Variants in BMPR1B observed in about 807,000 individuals in gnomAD.
The protein encoded by BMPR1B is bone morphogenetic protein receptor type-1B.
BMPR1B carries 12 observed loss-of-function variants against 59.1 expected under a neutral mutation model. The observed-to-expected ratio is 0.20, with a 90% confidence interval of 0.13 to 0.33. The LOEUF is 0.33. BMPR1B is among the 10% of genes least tolerant of loss of function. The pLI is 1.00. For missense variants in BMPR1B, 550 were observed against 610.9 expected, an observed-to-expected ratio of 0.90 and a Z score of 1.05; for synonymous variants, 237 against 207.3, an observed-to-expected ratio of 1.14 and a Z score of -1.23.
At chr4:95,085,213 CT>C (rs1274590058) in intron 3 of BMPR1B, among the ~76,000 whole-genome samples, 1 of 152,132 alleles carries the variant, frequency 6.6e-6, no homozygotes, top group Non-Finnish European at 1.5e-5. Context: ...AAACCATCCT[CT>C]GTGAGAGGGA....
chr4:94,818,739 G>T (rs1724099376), intron 1 of BMPR1B, among the ~76,000 whole-genome samples: 1 of 152,152 alleles, frequency 6.6e-6, no homozygotes. Flanking sequence ...AACCTGCATA[G>T]TAGCCTCACT....
intron 2 of BMPR1B, among the ~76,000 whole-genome samples, chr4:94,934,453 G>GTTTTTTT (rs371268875): frequency 0.011 from 1,235 of 114,968 alleles, 74 homozygotes; most frequent in African/African-American, 0.029. Context: ...CCCAGCTATG[G>GTTTTTTT]TTTTTTTTTT....
intron 1 of BMPR1B, among the ~76,000 whole-genome samples, chr4:94,841,665 C>G (rs1725087758): frequency 6.6e-6 from 1 of 152,130 alleles, no homozygotes; most frequent in African/African-American, 2.4e-5. Context: ...CACTGGCACT[C>G]CCTATTGAGA....
intron 1 of BMPR1B, among the ~76,000 whole-genome samples, chr4:94,790,458 C>T (rs1368876629): frequency 6.6e-6 from 1 of 152,074 alleles, no homozygotes; most frequent in Non-Finnish European, 1.5e-5. Flanking sequence ...GCAGGAAGGC[C>T]AGTTAGGAGG....
intron 1 of BMPR1B, among the ~76,000 whole-genome samples, chr4:94,769,771 A>G (rs968447330): frequency 7.9e-5 from 12 of 152,322 alleles, no homozygotes; most frequent in Non-Finnish European, 1.5e-4. Context: ...CCATCAGGGA[A>G]TATCTTAGGG....
At chr4:94,799,169 T>C (rs1468279651) in intron 1 of BMPR1B, among the ~76,000 whole-genome samples, 1 of 148,886 alleles carries the variant, frequency 6.7e-6, no homozygotes, top group East Asian at 2.0e-4. Flanking sequence ...TCATACTAGA[T>C]GAGAACTTAT....
At chr4:95,130,135 T>C (rs1266611669) in intron 9 of BMPR1B, 81 bp downstream of exon 9, 2 of 1,511,870 alleles carry the variant, frequency 1.3e-6, no homozygotes, top group African/African-American at 2.8e-5. Context: ...TGTTAACTCA[T>C]CTGTCTAGAC....
intron 1 of BMPR1B, among the ~76,000 whole-genome samples, chr4:94,817,336 G>A (rs1375212066): frequency 6.6e-6 from 1 of 152,212 alleles, no homozygotes; most frequent in Non-Finnish European, 1.5e-5. Flanking sequence ...GTTTAATTCT[G>A]AGAAGAATAT....
chr4:95,098,436 A>G (rs1291170275), intron 3 of BMPR1B, among the ~76,000 whole-genome samples: 1 of 152,200 alleles, frequency 6.6e-6, no homozygotes, highest in African/African-American at 2.4e-5. Flanking sequence ...TGATCCTTGT[A>G]TAAATACCTT....
At chr4:95,101,939 T>C (rs1356193198) in intron 3 of BMPR1B, among the ~76,000 whole-genome samples, 2 of 152,090 alleles carry the variant, frequency 1.3e-5, no homozygotes, top group African/African-American at 2.4e-5. Flanking sequence ...TCTTAGCCCC[T>C]TTTTCTCTTA....
In BMPR1B at chr4:95,154,937, A is replaced by C. The variant is rs1240775513; in HGVS notation, c.*264A>C. ...AAGATATGATGCATGTTGCTTTCTAAGAAAGCCCTGTATTTTGTGATTGCC... is the reference window on the plus strand; with the variant it reads ...AAGATATGATGCATGTTGCTTTCTACGAAAGCCCTGTATTTTGTGATTGCC... On this transcript the variant is annotated 3_prime_UTR_variant, in exon 13 of 13. Transcript: ENST00000515059. 6.7e-6 allele frequency: 3 copies of C among 448,078 alleles called. No individual in the cohort carries two copies. Among genetic ancestry groups the C allele is most frequent in the Non-Finnish European group, 1.2e-5 (3 of 246,916 alleles). The allele number at this position is 448,078 out of a possible 1,614,324, so 27.8% of individuals were successfully genotyped here. A position where few individuals can be genotyped will look rare whatever the true frequency, so the allele number is the denominator to read the frequency against.
At chr4:94,784,367 A>G (rs971855705) in intron 1 of BMPR1B, among the ~76,000 whole-genome samples, 4 of 152,172 alleles carry the variant, frequency 2.6e-5, no homozygotes, top group African/African-American at 7.2e-5. Flanking sequence ...TGAAAGTTTG[A>G]TAGAACTTTG....
chr4:95,100,497 T>A (rs1373460952), intron 3 of BMPR1B, among the ~76,000 whole-genome samples: 1 of 152,146 alleles, frequency 6.6e-6, no homozygotes, highest in Non-Finnish European at 1.5e-5. Context: ...TTAGGGTGTC[T>A]GTTTGTCTAC....
chr4:94,961,265 T>C (rs1182894487), intron 2 of BMPR1B, among the ~76,000 whole-genome samples: 5 of 152,284 alleles, frequency 3.3e-5, no homozygotes, highest in Middle Eastern at 3.4e-3. Flanking sequence ...GGAAGTTTTA[T>C]TGAAATTCAG....
At chr4:95,050,121 T>G (rs1726377852) in intron 3 of BMPR1B, among the ~76,000 whole-genome samples, 1 of 152,136 alleles carries the variant, frequency 6.6e-6, no homozygotes, top group African/African-American at 2.4e-5. Context: ...ACATAGAAGG[T>G]TTAAAAAGCA....
chr4:95,022,938 G>T (rs1399369977), intron 3 of BMPR1B, among the ~76,000 whole-genome samples: 1 of 152,144 alleles, frequency 6.6e-6, no homozygotes, highest in Non-Finnish European at 1.5e-5. Flanking sequence ...ATGCCTTGGT[G>T]TTCAGGTTAG....
chr4:95,128,545 A>G (rs1254539679), intron 8 of BMPR1B, among the ~76,000 whole-genome samples: 1 of 152,156 alleles, frequency 6.6e-6, no homozygotes, highest in Non-Finnish European at 1.5e-5. Flanking sequence ...ATTTAAATTT[A>G]ATGCCACTTA....
In BMPR1B at chr4:95,020,535, C is replaced by T. The variant is rs1319414068; in HGVS notation, c.-18+24401C>T. On this transcript the variant is annotated intron_variant, in intron 3 of 12. Coordinates refer to ENST00000515059, the MANE Select transcript of BMPR1B (RefSeq NM_001203.3). ...CAGAGGTTGCAGTGAGCCGAGATTG[C>T]GCCACTGCGCTCCAGACTGGTGACA... Among the ~76,000 whole-genome samples, 9 of 147,272 alleles carry T rather than the reference C, an allele frequency of 6.1e-5. No homozygotes were observed. In the South Asian group the frequency reaches 6.4e-4, roughly 10 times the overall value.
intron 3 of BMPR1B, among the ~76,000 whole-genome samples, chr4:95,030,101 G>A (rs1167632016): frequency 7.9e-5 from 12 of 151,464 alleles, no homozygotes; most frequent in African/African-American, 1.9e-4. Context: ...CTTTTGCTGT[G>A]CAGAAGCTCT....
Sources: gnomAD v4.1 joint callset for allele counts (sites outside exome capture counted in the v4.1 genomes callset) on GRCh38, gnomAD v4.1.1 for gene constraint, MANE v1.5 for transcripts, NCBI Gene and HGNC (gene_info 2026-07-23, HGNC 2026-07-21) for gene names.